Variants in EPHA10 observed in about 807,000 individuals in gnomAD.
EPHA10 encodes EPH receptor A10.
In EPHA10, 120 loss-of-function variants were observed where a neutral mutation model predicts 109.7. That is an observed-to-expected ratio of 1.09 (90% CI 0.94 to 1.27). EPHA10 has a LOEUF of 1.27. Among genes scored for constraint, EPHA10 ranks in the 50% most tolerant of loss-of-function variants. The probability of loss-of-function intolerance (pLI) is 0.00; values close to 1 mark genes in which losing one functional copy is unlikely to be tolerated. For synonymous variants in EPHA10, 640 were observed against 618.9 expected (o/e 1.03, Z -0.51); for missense variants, 1,396 against 1,411.1 (o/e 0.99, Z 0.17).
At chr1:37,750,580 C>CTTT (rs1224590675) in intron 5 of EPHA10, among the ~76,000 whole-genome samples, 1 of 141,836 alleles carries the variant, frequency 7.1e-6, no homozygotes, top group Non-Finnish European at 1.6e-5. Flanking sequence ...CTGAATAAAA[C>CTTT]TTTTTTTTTT....
intron 5 of EPHA10, among the ~76,000 whole-genome samples, chr1:37,738,680 G>A (rs60634144): frequency 0.013 from 1,920 of 152,258 alleles, 36 homozygotes; most frequent in African/African-American, 0.043. Flanking sequence ...ACTGAAATCA[G>A]GTCTTGAAGA....
At chr1:37,762,921 T>C (rs1646446372) in intron 1 of EPHA10, 72 bp from the exon 2 acceptor site, 1 of 1,395,802 alleles carries the variant, frequency 7.2e-7, no homozygotes, top group East Asian at 2.5e-5. Flanking sequence ...AATCCTTTGG[T>C]GAAGTCCCTG....
intron 7 of EPHA10, among the ~76,000 whole-genome samples, chr1:37,730,504 G>A (rs1645963629): frequency 6.6e-6 from 1 of 152,200 alleles, no homozygotes; most frequent in Non-Finnish European, 1.5e-5. Flanking sequence ...CAGGGAATTG[G>A]GCAGTGGGTG....
intron 3 of EPHA10, among the ~76,000 whole-genome samples, chr1:37,760,068 G>A (rs1399724264): frequency 6.6e-6 from 1 of 152,178 alleles, no homozygotes; most frequent in African/African-American, 2.4e-5. Flanking sequence ...ATATTGGATG[G>A]ATGATTGAAC....
rs1646461669 is a variant in EPHA10, at chr1:37,764,888, C to T, written c.106+73G>A. ...TCTAGTCTCTCCAATGACTCCTTCCCCCAGAACCCCCATCGCCAGCCCCCT... is the reference window on the plus strand; with the variant it reads ...TCTAGTCTCTCCAATGACTCCTTCCTCCAGAACCCCCATCGCCAGCCCCCT... On this transcript the variant is annotated intron_variant, in intron 1 of 16. Coordinates refer to ENST00000373048, the MANE Select transcript of EPHA10 (RefSeq NM_001099439.2). This position sits in a 1 kb window ranked among gnomAD's most constrained non-coding sequence, Gnocchi z 5.8. 1 of 1,393,882 alleles carries T rather than the reference C, an allele frequency of 7.2e-7. No individual in the cohort carries two copies. The highest frequency in any genetic ancestry group is 9.9e-7 in the Non-Finnish European group (1 of 1,015,074). 86.3% of individuals were successfully genotyped at this position (1,393,882 alleles called of 1,614,324 possible). A position where few individuals can be genotyped will look rare whatever the true frequency, so the allele number is the denominator to read the frequency against.
chr1:37,729,997 A>G (rs1277472847), intron 7 of EPHA10, among the ~76,000 whole-genome samples: 43 of 152,104 alleles, frequency 2.8e-4, no homozygotes, highest in Admixed American at 2.7e-3. Flanking sequence ...CTACTATCTG[A>G]GAGGTACCCA....
intron 6 of EPHA10, among the ~76,000 whole-genome samples, chr1:37,734,406 T>C (rs1646035889): frequency 6.6e-6 from 1 of 152,074 alleles, no homozygotes; most frequent in Admixed American, 6.6e-5. Context: ...TAGTTGTGCA[T>C]GCCTGTAATC....
chr1:37,721,890 TGG>T lies in EPHA10; in HGVS notation c.1961-47_1961-46del, dbSNP rs1371309789. On this transcript the variant is annotated intron_variant, in intron 10 of 16. Coordinates refer to ENST00000373048, the MANE Select transcript of EPHA10 (RefSeq NM_001099439.2). ...CAGATACCGCCAGAGGCCACTGCCC[TGG>T]CTGAGCTGGGCAGGCTGAGCCGAGG... The T allele has an allele frequency of 3.4e-6, 5 of 1,462,862 alleles. No homozygotes were observed. In the African/African-American group the frequency reaches 7.2e-5, roughly 21 times the overall value. 90.6% of individuals were successfully genotyped at this position (1,462,862 alleles called of 1,614,324 possible).
intron 5 of EPHA10, among the ~76,000 whole-genome samples, chr1:37,749,597 C>A (rs1404195482): frequency 6.6e-6 from 1 of 151,408 alleles, no homozygotes; most frequent in Non-Finnish European, 1.5e-5. Context: ...CGCTTCAACC[C>A]AGGAGGCGGA....
chr1:37,763,267 G>T (rs191560214), intron 1 of EPHA10, among the ~76,000 whole-genome samples: 7 of 152,072 alleles, frequency 4.6e-5, no homozygotes, highest in African/African-American at 7.2e-5. Flanking sequence ...TCTGGTGGCC[G>T]CCTGTAGTCC....
At chr1:37,751,141 C>T (rs1349062023) in intron 5 of EPHA10, among the ~76,000 whole-genome samples, 3 of 131,226 alleles carry the variant, frequency 2.3e-5, no homozygotes, top group Non-Finnish European at 4.6e-5. Flanking sequence ...AGACGCGGAG[C>T]TTGTAGTGAG....
chr1:37,742,448 T>C (rs1247163112), intron 5 of EPHA10, among the ~76,000 whole-genome samples: 1 of 152,160 alleles, frequency 6.6e-6, no homozygotes, highest in Non-Finnish European at 1.5e-5. Flanking sequence ...CAGAGAAAAG[T>C]TTCTTGCTTT....
At chr1:37,722,826 A>G (rs1645821030) in intron 10 of EPHA10, 2 of 714,562 alleles carry the variant, frequency 2.8e-6, no homozygotes, top group Non-Finnish European at 5.0e-6. Context: ...GGAGAGGGTC[A>G]CAGACCCTTC....
chr1:37,729,403 T>C (rs1645944614), intron 7 of EPHA10, among the ~76,000 whole-genome samples: 1 of 152,180 alleles, frequency 6.6e-6, no homozygotes, highest in African/African-American at 2.4e-5. Flanking sequence ...ACTAGCACAG[T>C]GGTGACGCAT....
intron 6 of EPHA10, among the ~76,000 whole-genome samples, chr1:37,733,431 C>G (rs1489751970): frequency 1.3e-5 from 2 of 152,144 alleles, no homozygotes; most frequent in Non-Finnish European, 2.9e-5. Flanking sequence ...GTTGCCCAGG[C>G]TGGTCTTGAA....
chr1:37,734,776 T>C, intron 6 of EPHA10: 1 of 368,462 alleles, frequency 2.7e-6, no homozygotes. Flanking sequence ...TACACTTTTT[T>C]ATATGACTGG....
intron 8 of EPHA10, among the ~76,000 whole-genome samples, chr1:37,723,986 T>G (rs1235024958): frequency 2.6e-5 from 4 of 152,230 alleles, no homozygotes; most frequent in Non-Finnish European, 5.9e-5. Flanking sequence ...AGATAAAGAC[T>G]TTGGCTTTTA....
At chr1:37,733,584 G>A (rs2148333645) in intron 6 of EPHA10, among the ~76,000 whole-genome samples, 1 of 152,098 alleles carries the variant, frequency 6.6e-6, no homozygotes, top group East Asian at 1.9e-4. Context: ...CTCAACCTTG[G>A]GGCTCTTGTC....
chr1:37,726,254 C>T (rs1645889927), intron 8 of EPHA10, among the ~76,000 whole-genome samples: 1 of 152,252 alleles, frequency 6.6e-6, no homozygotes, highest in South Asian at 2.1e-4. Flanking sequence ...GAACTCCCTA[C>T]TCTTGTCCTG....
Sources: allele counts gnomAD v4.1 joint callset (sites outside exome capture counted in the v4.1 genomes callset), GRCh38; gene constraint gnomAD v4.1.1; non-coding constraint Gnocchi (gnomAD v3.1); transcripts MANE v1.5; gene names NCBI Gene and HGNC (gene_info 2026-07-23, HGNC 2026-07-21).